The following RPS3A variants were observed in gnomAD, a reference collection of about 807,000 sequenced individuals.
RPS3A encodes the protein ribosomal protein S3A.
In RPS3A, 1 loss-of-function variant was observed where a neutral mutation model predicts 26.4. The ratio of observed to expected loss-of-function variants is 0.04; its 90% CI spans 0.01 to 0.18. The LOEUF (loss-of-function observed/expected upper bound fraction) is 0.18. RPS3A is among the 10% of genes least tolerant of loss of function. The pLI is 1.00. For synonymous variants in RPS3A, 97 were observed against 106.1 expected, an observed-to-expected ratio of 0.91 and a Z score of 0.53; for missense variants, 139 against 326.8, an observed-to-expected ratio of 0.43 and a Z score of 4.43.
intron 5 of RPS3A, 42 bp downstream of exon 5, chr4:151,104,328 T>C: frequency 1.9e-6 from 3 of 1,596,370 alleles, no homozygotes; most frequent in South Asian, 1.1e-5. Context: ...CCAAATACAT[T>C]GTTTTTGGGT....
At position 151,101,109 on chromosome 4, in the gene RPS3A, C is replaced by G; in HGVS notation, c.301C>G (p.His101Asp). Reference sequence around the variant, plus strand: ...GGGTAAAAACTGCCTGACTAACTTCCATGGCATGGATCTTACCCGTGACAA... The same window carrying G: ...GGGTAAAAACTGCCTGACTAACTTCGATGGCATGGATCTTACCCGTGACAA... Reference protein sequence around the residue: ...VQGKNCLTNFHGMDLTRDKMC... With the variant: ...VQGKNCLTNFDGMDLTRDKMC... The change falls in exon 3 of 6, where the codon CAT becomes GAT. Residue 101 changes from histidine (H) to aspartate (D), a missense_variant. Coordinates refer to ENST00000274065, the MANE Select transcript of RPS3A (RefSeq NM_001006.5). 6.2e-7 allele frequency: 1 copy of G among 1,607,926 alleles called. No homozygotes were observed. Among genetic ancestry groups the G allele is most frequent in the Non-Finnish European group, 8.5e-7 (1 of 1,176,132 alleles).
intron 1 of RPS3A, chr4:151,099,931 G>T: frequency 2.2e-4 from 117 of 529,478 alleles, no homozygotes; most frequent in Non-Finnish European, 2.8e-4. Flanking sequence ...CGCGCGTCGC[G>T]TTTGAGCCGG....
At chr4:151,101,799 C>G (rs1391085543) in intron 3 of RPS3A, among the ~76,000 whole-genome samples, 1 of 152,128 alleles carries the variant, frequency 6.6e-6, no homozygotes, top group Non-Finnish European at 1.5e-5. Context: ...GTGGCGCCAT[C>G]TCTGCTCACT....
At chr4:151,104,044 G>A in intron 4 of RPS3A, 133 bp from the exon 5 acceptor site, 1 of 1,487,782 alleles carries the variant, frequency 6.7e-7, no homozygotes. Flanking sequence ...ATCTTAACAG[G>A]AGGATTTATG....
At position 151,100,162 on chromosome 4, in the gene RPS3A, C is replaced by T. The variant is rs570105611; in HGVS notation, c.63-323C>T. 2.6e-5 allele frequency among the ~76,000 whole-genome samples: 4 copies of T among 152,312 alleles called. No homozygotes were observed. The East Asian group carries it at 7.7e-4, about 29-fold the overall frequency. On this transcript the variant is annotated intron_variant, in intron 1 of 5. Transcript: ENST00000274065. ...TCTTAGTTACCAGTACATGCCATTA[C>T]GTGCCAGCAAAGTTAATGAGATTGC... is the stretch of plus-strand genomic sequence containing the variant.
chr4:151,100,437 A>T, intron 1 of RPS3A, 48 bp from the exon 2 acceptor site: 1 of 1,031,334 alleles, frequency 9.7e-7, no homozygotes, highest in African/African-American at 1.6e-5. Context: ...TGAAAAATAC[A>T]GTAAGAATTG....
rs759972428 is a variant in RPS3A at position 151,100,605 on chromosome 4, T to C, written c.166+17T>C. On this transcript the variant is annotated intron_variant, in intron 2 of 5. Transcript: ENST00000274065. ...AAGGAACCAGTAAGTAGCTTATTCTTGGTTTGTATTTTCCTTAAGTTGGCG... is the reference window on the plus strand; with the variant it reads ...AAGGAACCAGTAAGTAGCTTATTCTCGGTTTGTATTTTCCTTAAGTTGGCG... The C allele has an allele frequency of 1.7e-5, 24 of 1,435,832 alleles. No homozygotes were observed. Among genetic ancestry groups the C allele is most frequent in the African/African-American group, 2.8e-5 (2 of 71,358 alleles). The allele number at this position is 1,435,832 out of a possible 1,614,324, so 88.9% of individuals were successfully genotyped here.
intron 4 of RPS3A, chr4:151,103,824 G>T (rs187162289): frequency 1.5e-6 from 2 of 1,366,890 alleles, no homozygotes; most frequent in African/African-American, 2.9e-5. Context: ...AATGATGCAC[G>T]GGAATAAGTG....
At position 151,100,612 on chromosome 4, in the gene RPS3A, T is replaced by C. The variant is rs746823639; in HGVS notation, c.166+24T>C. On this transcript the variant is annotated intron_variant, in intron 2 of 5. Transcript: ENST00000274065. ...CAGTAAGTAGCTTATTCTTGGTTTG[T>C]ATTTTCCTTAAGTTGGCGCTTGTAT... 1.4e-6 allele frequency: 2 copies of C among 1,379,800 alleles called. 1 individual carries two copies. Among genetic ancestry groups the C allele is most frequent in the South Asian group, 2.3e-5 (2 of 85,664 alleles). The allele number at this position is 1,379,800 out of a possible 1,614,324, so 85.5% of individuals were successfully genotyped here. A position where few individuals can be genotyped will look rare whatever the true frequency, so the allele number is the denominator to read the frequency against.
chr4:151,104,454 T>TTTTTTTTTTTTTTTTTC lies in RPS3A; in HGVS notation c.674-10_674-9insTTTTTTTTCTTTTTTTT. On this transcript the variant is annotated splice_polypyrimidine_tract_variant and intron_variant, in intron 5 of 5. Transcript: ENST00000274065. ...CAGTTTTTTGGTTTTTTTTTTTTTT[T>TTTTTTTTTTTTTTTTTC]TTTTTTTTGCCTTTTAGTGGGAAAG... 1 of 1,412,018 alleles carries TTTTTTTTTTTTTTTTTC rather than the reference T, an allele frequency of 7.1e-7. No individual in the cohort carries two copies. 87.5% of individuals were successfully genotyped at this position (1,412,018 alleles called of 1,614,324 possible). A position where few individuals can be genotyped will look rare whatever the true frequency, so the allele number is the denominator to read the frequency against.
chr4:151,102,489 A>G (rs1747167967), intron 3 of RPS3A, among the ~76,000 whole-genome samples: 1 of 152,154 alleles, frequency 6.6e-6, no homozygotes, highest in Non-Finnish European at 1.5e-5. Context: ...TGTTCATACC[A>G]TAGAATACCA....
chr4:151,100,919 T>G, intron 2 of RPS3A, 56 bp from the exon 3 acceptor site: 1 of 1,273,424 alleles, frequency 7.9e-7, no homozygotes, highest in African/African-American at 1.5e-5. Flanking sequence ...GTTTACAGGC[T>G]TGACTTTGCT....
Sources: gnomAD v4.1 joint callset for allele counts (sites outside exome capture counted in the v4.1 genomes callset) on GRCh38, gnomAD v4.1.1 for gene constraint, MANE v1.5 for transcripts, NCBI Gene and HGNC (gene_info 2026-07-23, HGNC 2026-07-21) for gene names.